The following MTHFS variants were observed in gnomAD, a reference collection of about 807,000 sequenced individuals.
MTHFS encodes the protein 5-formyltetrahydrofolate cyclo-ligase.
In MTHFS, 7 loss-of-function variants were observed where a neutral mutation model predicts 12.7. The ratio of observed to expected loss-of-function variants is 0.55; its 90% CI spans 0.31 to 1.03. The LOEUF (loss-of-function observed/expected upper bound fraction) is 1.03, where lower values mean the gene tolerates loss of function less well. MTHFS is among the 50% of genes least tolerant of loss of function. The pLI is 0.05. For synonymous variants in MTHFS, 100 were observed against 97.1 expected (o/e 1.03, Z -0.18); for missense variants, 252 against 258.1 (o/e 0.98, Z 0.16).
intron 2 of MTHFS, among the ~76,000 whole-genome samples, chr15:79,873,857 T>C (rs1024793347): frequency 2.6e-5 from 4 of 152,166 alleles, no homozygotes; most frequent in African/African-American, 9.7e-5. Context: ...GTAATCCCAG[T>C]TGGTGTAAGA....
chr15:79,877,778 A>G (rs1006985022), intron 2 of MTHFS: 3 of 152,134 alleles, frequency 2.0e-5, no homozygotes, highest in Non-Finnish European at 2.9e-5. Context: ...TATTATAAAA[A>G]GGGAAATACA....
chr15:79,847,484 A>G (rs777608538), intron 2 of MTHFS, among the ~76,000 whole-genome samples: 5 of 152,038 alleles, frequency 3.3e-5, no homozygotes, highest in African/African-American at 4.8e-5. Flanking sequence ...GAAGACAGAG[A>G]TCATCCTGGC....
intron 2 of MTHFS, among the ~76,000 whole-genome samples, chr15:79,849,947 G>A (rs1182389027): frequency 1.3e-5 from 2 of 152,194 alleles, no homozygotes; most frequent in Non-Finnish European, 2.9e-5. Context: ...TTTTCATTTG[G>A]TGCTGGCTCT....
chr15:79,876,562 C>G (rs1162107425), intron 2 of MTHFS: 1 of 147,932 alleles, frequency 6.8e-6, no homozygotes, highest in Admixed American at 6.8e-5. Flanking sequence ...TTGCAGTGAG[C>G]CAAGATCATG....
chr15:79,852,660 C>T (rs938116032), intron 2 of MTHFS, among the ~76,000 whole-genome samples: 3 of 152,180 alleles, frequency 2.0e-5, no homozygotes, highest in African/African-American at 7.2e-5. Flanking sequence ...CTAACATTTG[C>T]ACCAGAATAC....
chr15:79,890,592 A>T (rs1440988345), intron 1 of MTHFS, among the ~76,000 whole-genome samples: 1 of 152,060 alleles, frequency 6.6e-6, no homozygotes, highest in Non-Finnish European at 1.5e-5. Flanking sequence ...AGAAAAGAAT[A>T]CTTTTCTTAT....
chr15:79,868,379 C>A (rs2034047714), intron 2 of MTHFS, among the ~76,000 whole-genome samples: 6 of 152,136 alleles, frequency 3.9e-5, no homozygotes, highest in Admixed American at 3.9e-4. Context: ...ATTATTTCCT[C>A]ATAGAAGATA....
intron 2 of MTHFS, chr15:79,877,412 C>T (rs992127984): frequency 3.3e-5 from 5 of 151,988 alleles, no homozygotes; most frequent in African/African-American, 1.2e-4. Context: ...CTAAAGAAAT[C>T]TACACATGCC....
At chr15:79,864,544 CAACAAAAAA>C (rs2033974275) in intron 2 of MTHFS, among the ~76,000 whole-genome samples, 1 of 23,694 alleles carries the variant, frequency 4.2e-5, no homozygotes, top group African/African-American at 2.0e-4. Context: ...GACTCCATCT[CAACAAAAAA>C]AAAAAAAAAA....
chr15:79,897,285 C>T, upstream of MTHFS: 1 of 443,368 alleles, frequency 2.3e-6, no homozygotes. Flanking sequence ...TGAGCCTGGG[C>T]CCTCACCGGG....
At chr15:79,875,632 A>C (rs2034181149) in intron 2 of MTHFS, among the ~76,000 whole-genome samples, 1 of 152,162 alleles carries the variant, frequency 6.6e-6, no homozygotes, top group South Asian at 2.1e-4. Flanking sequence ...CTTAGAAAAA[A>C]ACGGAGGCAT....
intron 2 of MTHFS, among the ~76,000 whole-genome samples, chr15:79,879,716 C>T (rs868329589): frequency 6.6e-5 from 10 of 152,156 alleles, no homozygotes; most frequent in Middle Eastern, 3.2e-3. Flanking sequence ...AAATCAGTGG[C>T]TTTCAAACAT....
intron 2 of MTHFS, 21 bp from the exon 3 acceptor site, chr15:79,845,463 T>A: frequency 6.2e-7 from 1 of 1,607,512 alleles, no homozygotes; most frequent in Non-Finnish European, 8.5e-7. Flanking sequence ...GAGGAACAAA[T>A]TTAAGAGGAT....
At chr15:79,853,843 A>G (rs1317371276) in intron 2 of MTHFS, among the ~76,000 whole-genome samples, 1 of 152,238 alleles carries the variant, frequency 6.6e-6, no homozygotes, top group African/African-American at 2.4e-5. Flanking sequence ...TCTCTTTAAA[A>G]GGCTCCTTTG....
intron 2 of MTHFS, among the ~76,000 whole-genome samples, chr15:79,872,770 G>C (rs2141361610): frequency 6.6e-6 from 1 of 152,314 alleles, no homozygotes; most frequent in Admixed American, 6.5e-5. Flanking sequence ...ATGCCAATGA[G>C]CAATGACAGC....
Position 79,880,625 on chromosome 15 carries a change from AT to A in MTHFS, c.379+8467del, listed in dbSNP as rs2034280637. 2.0e-5 allele frequency among the ~76,000 whole-genome samples: 3 copies of A among 152,068 alleles called. No individual in the cohort carries two copies. The South Asian group carries it at 6.2e-4, about 32-fold the overall frequency. On this transcript the variant is annotated intron_variant, in intron 2 of 2. Transcript: ENST00000258874. ...TAAGCCCAAACACACCAAAAAAAAAATGTTTGAAGACTATTTATATGTTTCT... is the reference window on the plus strand; with the variant it reads ...TAAGCCCAAACACACCAAAAAAAAAAGTTTGAAGACTATTTATATGTTTCT...
At chr15:79,860,144 C>T (rs2033884976) in intron 2 of MTHFS, among the ~76,000 whole-genome samples, 1 of 152,136 alleles carries the variant, frequency 6.6e-6, no homozygotes, top group African/African-American at 2.4e-5. Flanking sequence ...AATCCTAGCA[C>T]TTTGGGAGGC....
chr15:79,872,169 G>A (rs992731599), intron 2 of MTHFS, among the ~76,000 whole-genome samples: 3 of 147,492 alleles, frequency 2.0e-5, no homozygotes, highest in African/African-American at 2.5e-5. Flanking sequence ...TAGAATACAC[G>A]AGGCCCAAAC....
At chr15:79,858,598 T>C (rs2033853542) in intron 2 of MTHFS, among the ~76,000 whole-genome samples, 1 of 152,120 alleles carries the variant, frequency 6.6e-6, no homozygotes, top group African/African-American at 2.4e-5. Context: ...GCCAATTAAA[T>C]AACTAAAGGA....
Sources: gnomAD v4.1 joint callset for allele counts (sites outside exome capture counted in the v4.1 genomes callset) on GRCh38, gnomAD v4.1.1 for gene constraint, MANE v1.5 for transcripts, NCBI Gene and HGNC (gene_info 2026-07-23, HGNC 2026-07-21) for gene names.